Variants in EDA observed in about 807,000 individuals in gnomAD.
The protein encoded by EDA is ectodysplasin A.
In EDA, 2 loss-of-function variants were observed where a neutral mutation model predicts 23.6. The ratio of observed to expected loss-of-function variants is 0.08; its 90% CI spans 0.03 to 0.27. The LOEUF (loss-of-function observed/expected upper bound fraction) is 0.27, where lower values mean the gene tolerates loss of function less well. Among genes scored for constraint, EDA ranks in the 10% least tolerant of loss-of-function variants. The pLI is 1.00. For missense variants in EDA, 229 were observed against 324.2 expected (o/e 0.71, Z 2.26); for synonymous variants, 131 against 132.0 (o/e 0.99, Z 0.05).
intron 1 of EDA, among the ~76,000 whole-genome samples, chrX:69,634,021 G>A (rs772125881): frequency 3.6e-5 from 4 of 111,963 alleles, no homozygotes; most frequent in South Asian, 3.7e-4. Flanking sequence ...CCCTGCCAAC[G>A]CTTGTTGTGA....
chrX:69,725,340 A>T (rs2012751370), intron 1 of EDA, among the ~76,000 whole-genome samples: 1 of 111,771 alleles, frequency 8.9e-6, no homozygotes, highest in South Asian at 3.7e-4. Context: ...TGTACACATA[A>T]TGTTATCTTC....
rs564124605 is a variant in EDA, at chrX:69,657,344, C to A, written c.396+40640C>A. ...ACTTTTTAATGGAGTTACTTGTTTT[C>A]TTTTCTTAAATTCCTTATGGATTCT... On this transcript the variant is annotated intron_variant, in intron 1 of 7. Transcript: ENST00000374552. Among the ~76,000 whole-genome samples, 4 of 111,626 alleles carry A rather than the reference C, an allele frequency of 3.6e-5. No homozygotes were observed. The South Asian group carries it at 1.5e-3, about 41-fold the overall frequency.
At chrX:69,728,972 A>G (rs889888830) in intron 1 of EDA, among the ~76,000 whole-genome samples, 4 of 111,734 alleles carry the variant, frequency 3.6e-5, no homozygotes, top group African/African-American at 1.3e-4. Context: ...AATACAGAGT[A>G]TCTCAGAATA....
At chrX:70,034,950 C>T (rs531098364) in intron 7 of EDA, among the ~76,000 whole-genome samples, 129 of 105,432 alleles carry the variant, frequency 1.2e-3, no homozygotes, top group South Asian at 0.011. Context: ...ACAAATAGTC[C>T]GTGGGGCTCA....
intron 1 of EDA, among the ~76,000 whole-genome samples, chrX:69,945,724 G>A (rs5936523): frequency 0.4 from 44,355 of 110,554 alleles, 7,051 homozygotes; most frequent in African/African-American, 0.56. Flanking sequence ...ATATTCATGA[G>A]ACAACACTCA....
At chrX:70,000,256 A>G (rs1356874867) in intron 2 of EDA, among the ~76,000 whole-genome samples, 2 of 112,327 alleles carry the variant, frequency 1.8e-5, no homozygotes, top group Admixed American at 1.9e-4. Flanking sequence ...TTGAAATAAG[A>G]GATATCACTG....
chrX:69,679,154 G>C (rs1435245666), intron 1 of EDA, among the ~76,000 whole-genome samples: 2 of 109,503 alleles, frequency 1.8e-5, no homozygotes, highest in Non-Finnish European at 3.8e-5. Flanking sequence ...AACCGGCCTT[G>C]CATCCCAGGG....
chrX:69,861,214 A>T, intron 1 of EDA: 1 of 225,137 alleles, frequency 4.4e-6, no homozygotes, highest in Non-Finnish European at 8.1e-6. Context: ...ATAAACAAAC[A>T]TTGGCTTTAT....
rs140725135 is a variant in EDA at position 70,038,222 on chromosome X, C to T, written c.*2613C>T. The T allele has an allele frequency of 9.1e-6, 1 of 110,466 alleles. No individual in the cohort carries two copies. Among genetic ancestry groups the T allele is most frequent in the Non-Finnish European group, 1.9e-5 (1 of 52,897 alleles). The allele number at this position is 110,466 out of a possible 1,213,427, so 9.1% of individuals were successfully genotyped here. A position where few individuals can be genotyped will look rare whatever the true frequency, so the allele number is the denominator to read the frequency against. On this transcript the variant is annotated 3_prime_UTR_variant, in exon 8 of 8. Coordinates refer to ENST00000374552, the MANE Select transcript of EDA (RefSeq NM_001399.5). The stretch of plus-strand genomic sequence containing the variant: ...TCCTGATACCATTCTATTCTCCAGA[C>T]ATGGAGGGGATGATAAAGGAAATAG...
chrX:69,901,865 A>G lies in EDA; in HGVS notation c.397-55162A>G, dbSNP rs145292375. Among the ~76,000 whole-genome samples, 861 of 111,847 alleles carry G rather than the reference A, an allele frequency of 7.7e-3. 1 individual carries two copies. Among genetic ancestry groups the G allele is most frequent in the Non-Finnish European group, 0.012 (658 of 53,117 alleles). ...CAGCACCTTTTTAACTTCAATTCAC[A>G]CATTCTTTCTGTACTGTTCCTTTTG... is the stretch of plus-strand genomic sequence containing the variant. On this transcript the variant is annotated intron_variant, in intron 1 of 7. Transcript: ENST00000374552.
chrX:69,951,554 C>A (rs1166051636), intron 1 of EDA, among the ~76,000 whole-genome samples: 1 of 111,246 alleles, frequency 9.0e-6, no homozygotes, highest in Non-Finnish European at 1.9e-5. Context: ...GATCCCTTCC[C>A]TAAAGAGGCT....
intron 1 of EDA, among the ~76,000 whole-genome samples, chrX:69,788,051 A>G (rs1380712878): frequency 9.0e-6 from 1 of 110,737 alleles, no homozygotes; most frequent in East Asian, 2.8e-4. Context: ...TTCATCTTCC[A>G]TCACTGATAC....
At chrX:69,845,493 A>G (rs2016988467) in intron 1 of EDA, among the ~76,000 whole-genome samples, 1 of 112,381 alleles carries the variant, frequency 8.9e-6, no homozygotes, top group African/African-American at 3.2e-5. Flanking sequence ...ACAATTAGCA[A>G]CTTTACATAG....
intron 1 of EDA, among the ~76,000 whole-genome samples, chrX:69,823,237 G>GT: frequency 1.3e-5 from 1 of 75,451 alleles, no homozygotes. Flanking sequence ...GGGTCAAATG[G>GT]TATTTCTAGT....
intron 1 of EDA, among the ~76,000 whole-genome samples, chrX:69,944,480 G>A (rs1343368760): frequency 1.8e-5 from 2 of 111,572 alleles, no homozygotes; most frequent in African/African-American, 6.5e-5. Flanking sequence ...AGGAGCCAGG[G>A]CCTGGAATGG....
At chrX:69,849,309 CT>C (rs1481197949) in intron 1 of EDA, among the ~76,000 whole-genome samples, 1 of 111,413 alleles carries the variant, frequency 9.0e-6, no homozygotes, top group African/African-American at 3.3e-5. Flanking sequence ...TGAATTAAGC[CT>C]TTGAAAATCC....
Position 69,628,046 on chromosome X carries a change from T to A in EDA, c.396+11342T>A, listed in dbSNP as rs1468521861. 3.6e-5 allele frequency among the ~76,000 whole-genome samples: 4 copies of A among 111,875 alleles called. No homozygotes were observed. In the South Asian group the frequency reaches 1.5e-3, roughly 42 times the overall value. On this transcript the variant is annotated intron_variant, in intron 1 of 7. Transcript: ENST00000374552. ...TGCACTTCAGAGATGAAGAGTAGTT[T>A]TTATTGGCGTGATGGCATATAGCAG...
chrX:69,857,769 A>G (rs938817718), intron 1 of EDA, among the ~76,000 whole-genome samples: 5 of 109,714 alleles, frequency 4.6e-5, no homozygotes, highest in Admixed American at 3.9e-4. Flanking sequence ...GTTCTGTGAA[A>G]AACGATGAAG....
chrX:69,731,324 T>C, intron 1 of EDA, among the ~76,000 whole-genome samples: 2 of 112,551 alleles, frequency 1.8e-5, no homozygotes, highest in African/African-American at 6.4e-5. Flanking sequence ...TCATTGACAC[T>C]TCTCAATTTA....
Sources: gnomAD v4.1 joint callset for allele counts (sites outside exome capture counted in the v4.1 genomes callset) on GRCh38, gnomAD v4.1.1 for gene constraint, MANE v1.5 for transcripts, NCBI Gene and HGNC (gene_info 2026-07-23, HGNC 2026-07-21) for gene names.